The following CRIM1 variants were observed in gnomAD, a reference collection of about 807,000 sequenced individuals.
CRIM1 encodes the protein cysteine-rich motor neuron 1 protein.
A neutral mutation model predicts 116.4 loss-of-function variants in CRIM1; 32 were observed. That is an observed-to-expected ratio of 0.27 (90% CI 0.21 to 0.37). The LOEUF (loss-of-function observed/expected upper bound fraction) is 0.37. CRIM1 is among the 10% of genes least tolerant of loss of function. CRIM1 has a pLI of 1.00. For missense variants in CRIM1, 1,331 were observed against 1,354.8 expected (o/e 0.98, Z 0.28); for synonymous variants, 590 against 509.2 (o/e 1.16, Z -2.13).
At chr2:36,408,710 T>G (rs1043610170) in intron 2 of CRIM1, among the ~76,000 whole-genome samples, 2 of 152,064 alleles carry the variant, frequency 1.3e-5, no homozygotes, top group African/African-American at 4.8e-5. Context: ...CGTTAGTTAG[T>G]GTAATTAGTA....
intron 2 of CRIM1, among the ~76,000 whole-genome samples, chr2:36,431,483 A>G (rs952248496): frequency 6.6e-6 from 1 of 152,174 alleles, no homozygotes; most frequent in Admixed American, 6.5e-5. Context: ...AAGTCTTTCT[A>G]AAAACATCTG....
At chr2:36,413,397 G>A (rs1374810310) in intron 2 of CRIM1, among the ~76,000 whole-genome samples, 1 of 152,136 alleles carries the variant, frequency 6.6e-6, no homozygotes, top group African/African-American at 2.4e-5. Context: ...TTTTGGCATA[G>A]TTACAACAGT....
At chr2:36,429,982 G>A (rs1247577173) in intron 2 of CRIM1, among the ~76,000 whole-genome samples, 4 of 152,106 alleles carry the variant, frequency 2.6e-5, no homozygotes, top group African/African-American at 4.8e-5. Context: ...AATAAGCCGG[G>A]GTTCTCATGA....
rs573505029 is a variant in CRIM1 at position 36,446,029 on chromosome 2, A to G, written c.869+3294A>G. ...GCAAAGCTGATTATGTGGAGAAATC[A>G]GGGGAGAAAGCTATTTACATTTTAG... On this transcript the variant is annotated intron_variant, in intron 4 of 16. Coordinates refer to ENST00000280527, the MANE Select transcript of CRIM1 (RefSeq NM_016441.3). Among the ~76,000 whole-genome samples the G allele has an allele frequency of 1.5e-4, 23 of 152,348 alleles. No homozygotes were observed. The South Asian group carries it at 4.8e-3, about 32-fold the overall frequency.
rs1678097129 is a variant in CRIM1, at chr2:36,467,007, C to G, written c.991+2352C>G. Among the ~76,000 whole-genome samples the G allele has an allele frequency of 2.6e-5, 4 of 152,184 alleles. No homozygotes were observed. The South Asian group carries it at 8.3e-4, about 32-fold the overall frequency. On this transcript the variant is annotated intron_variant, in intron 5 of 16. Coordinates refer to ENST00000280527, the MANE Select transcript of CRIM1 (RefSeq NM_016441.3). ...TGTCTTGCTCCAGTCTGATGTGTCTCAAACTACTAATAGCCGTACCTCCAC... is the reference window on the plus strand; with the variant it reads ...TGTCTTGCTCCAGTCTGATGTGTCTGAAACTACTAATAGCCGTACCTCCAC...
At chr2:36,529,801 G>A (rs1254436076) in intron 13 of CRIM1, among the ~76,000 whole-genome samples, 1 of 152,154 alleles carries the variant, frequency 6.6e-6, no homozygotes, top group Admixed American at 6.5e-5. Flanking sequence ...TTTCTTTCTA[G>A]TATGTTGAAG....
At chr2:36,544,107 C>G (rs905532296) in intron 14 of CRIM1, among the ~76,000 whole-genome samples, 1 of 152,140 alleles carries the variant, frequency 6.6e-6, no homozygotes, top group Non-Finnish European at 1.5e-5. Flanking sequence ...AATTATAAAA[C>G]CAACACCATT....
At chr2:36,536,758 G>A (rs1207550211) in intron 13 of CRIM1, among the ~76,000 whole-genome samples, 1 of 152,146 alleles carries the variant, frequency 6.6e-6, no homozygotes, top group Non-Finnish European at 1.5e-5. Context: ...TGTATATACT[G>A]TACAGACAAA....
At chr2:36,479,731 G>A (rs776827104) in intron 7 of CRIM1, 37 bp downstream of exon 7, 2 of 1,587,148 alleles carry the variant, frequency 1.3e-6, no homozygotes, top group South Asian at 2.2e-5. Context: ...CCTGGTGAAT[G>A]TCTTCTGTTG....
rs568662490 is a variant in CRIM1 at position 36,489,472 on chromosome 2, C to T, written c.1373-9747C>T. Reference sequence around the variant, plus strand: ...TGGGAATCAAGTTTTTAAAAGATTCCATGGAGATTTTATGTTAGACGAATT... The same window carrying T: ...TGGGAATCAAGTTTTTAAAAGATTCTATGGAGATTTTATGTTAGACGAATT... On this transcript the variant is annotated intron_variant, in intron 7 of 16. Transcript: ENST00000280527. 6.6e-5 allele frequency among the ~76,000 whole-genome samples: 10 copies of T among 152,214 alleles called. No individual in the cohort carries two copies. The South Asian group carries it at 1.9e-3, about 28-fold the overall frequency.
chr2:36,533,201 T>G (rs1666234226), intron 13 of CRIM1, among the ~76,000 whole-genome samples: 1 of 152,152 alleles, frequency 6.6e-6, no homozygotes, highest in Admixed American at 6.5e-5. Flanking sequence ...CACATCTCCC[T>G]TTAAACCTGG....
chr2:36,549,838 AAT>A lies in CRIM1; in HGVS notation c.*1149_*1150del, dbSNP rs537826144. On this transcript the variant is annotated 3_prime_UTR_variant, in exon 17 of 17. Coordinates refer to ENST00000280527, the MANE Select transcript of CRIM1 (RefSeq NM_016441.3). ...AAAGTATTTGTGTGCATGTGTATAT[AAT>A]ATATATATATACATATATATTTATA... 1,327 of 150,944 alleles carry A rather than the reference AAT, an allele frequency of 8.8e-3. 7 individuals are homozygous for A. Among genetic ancestry groups the A allele is most frequent in the Middle Eastern group, 0.014 (4 of 286 alleles). The allele number at this position is 150,944 out of a possible 1,614,324, so 9.4% of individuals were successfully genotyped here.
chr2:36,455,958 G>C (rs1176388664), intron 4 of CRIM1, among the ~76,000 whole-genome samples: 1 of 152,134 alleles, frequency 6.6e-6, no homozygotes, highest in East Asian at 1.9e-4. Context: ...ACAAGGATGA[G>C]AGGCTGGGAA....
chr2:36,435,116 T>C (rs1675200031), intron 2 of CRIM1, among the ~76,000 whole-genome samples: 1 of 152,202 alleles, frequency 6.6e-6, no homozygotes, highest in African/African-American at 2.4e-5. Flanking sequence ...CCCGTGATAC[T>C]CTAGGCTGAT....
intron 14 of CRIM1, among the ~76,000 whole-genome samples, chr2:36,540,556 A>G (rs1462189547): frequency 6.6e-6 from 1 of 152,236 alleles, no homozygotes; most frequent in Non-Finnish European, 1.5e-5. Flanking sequence ...TGGAGCAGTG[A>G]GTTTTAGTAG....
rs114216425 is a variant in CRIM1 at position 36,494,659 on chromosome 2, T to C, written c.1373-4560T>C. On this transcript the variant is annotated intron_variant, in intron 7 of 16. Transcript: ENST00000280527. ...AGGAGAGGAAAGTTTCCCACTCAGA[T>C]GCTGAGTAGAAAACAGCAAACCAAT... is the stretch of plus-strand genomic sequence containing the variant. 7.1e-4 allele frequency among the ~76,000 whole-genome samples: 108 copies of C among 152,250 alleles called. 1 individual carries two copies. The highest frequency in any genetic ancestry group is 2.5e-3 in the African/African-American group (104 of 41,562).
At chr2:36,531,535 C>G (rs923584733) in intron 13 of CRIM1, among the ~76,000 whole-genome samples, 2 of 151,856 alleles carry the variant, frequency 1.3e-5, no homozygotes, top group African/African-American at 4.8e-5. Context: ...TAACACAGTT[C>G]TAGATTTTCC....
intron 11 of CRIM1, among the ~76,000 whole-genome samples, chr2:36,516,356 A>G (rs1162016142): frequency 6.6e-6 from 1 of 152,156 alleles, no homozygotes; most frequent in East Asian, 1.9e-4. Flanking sequence ...AACACTGTCA[A>G]CACATTCCTG....
At chr2:36,516,987 C>T (rs774129431) in intron 11 of CRIM1, among the ~76,000 whole-genome samples, 5 of 152,124 alleles carry the variant, frequency 3.3e-5, no homozygotes, top group Non-Finnish European at 7.4e-5. Flanking sequence ...GATCTGAATC[C>T]GAGACAGTTC....
Sources: gnomAD v4.1 joint callset for allele counts (sites outside exome capture counted in the v4.1 genomes callset) on GRCh38, gnomAD v4.1.1 for gene constraint, MANE v1.5 for transcripts, NCBI Gene and HGNC (gene_info 2026-07-23, HGNC 2026-07-21) for gene names.